Variants in FARS2 observed in about 807,000 individuals in gnomAD.
The protein encoded by FARS2 is phenylalanine--tRNA ligase, mitochondrial.
A neutral mutation model predicts 46.4 loss-of-function variants in FARS2; 40 were observed. The observed-to-expected ratio is 0.86, with a 90% CI of 0.67 to 1.12. The LOEUF (loss-of-function observed/expected upper bound fraction) is 1.12. Ranked by LOEUF, FARS2 falls within the 50% of genes most tolerant of loss-of-function variation. The pLI is 0.00. For missense variants in FARS2, 513 were observed against 567.9 expected, an observed-to-expected ratio of 0.90 and a Z score of 0.98; for synonymous variants, 234 against 214.9, an observed-to-expected ratio of 1.09 and a Z score of -0.78.
At position 5,727,105 on chromosome 6, in the gene FARS2, C is replaced by T. The variant is rs1020761203; in HGVS notation, c.1218-44186C>T. 9.2e-5 allele frequency among the ~76,000 whole-genome samples: 14 copies of T among 152,190 alleles called. No homozygotes were observed. Among genetic ancestry groups the T allele is most frequent in the African/African-American group, 2.7e-4 (11 of 41,454 alleles). Reference sequence around the variant, plus strand: ...CCTCTGCAGTACCTACCTTCCTCACCGGGCTGTTACTGGTAGGAAAAGCGT... The same window carrying T: ...CCTCTGCAGTACCTACCTTCCTCACTGGGCTGTTACTGGTAGGAAAAGCGT... On this transcript the variant is annotated intron_variant, in intron 6 of 6. Coordinates refer to ENST00000274680, the MANE Select transcript of FARS2 (RefSeq NM_006567.5). This position sits in a 1 kb window ranked among gnomAD's most constrained non-coding sequence, Gnocchi z 4.1.
At chr6:5,287,046 G>C (rs983947536) in intron 1 of FARS2, among the ~76,000 whole-genome samples, 20 of 152,250 alleles carry the variant, frequency 1.3e-4, no homozygotes, top group Non-Finnish European at 1.2e-4. Context: ...GCTTGGCTCT[G>C]TTGAGGGCTG....
At chr6:5,768,338 A>G (rs1762855006) in intron 6 of FARS2, among the ~76,000 whole-genome samples, 1 of 152,228 alleles carries the variant, frequency 6.6e-6, no homozygotes, top group Admixed American at 6.5e-5. Context: ...CACCTAATTC[A>G]TCAAAATGCT....
intron 6 of FARS2, among the ~76,000 whole-genome samples, chr6:5,614,411 C>CTTTTTTTTTTTTTT (rs199992978): frequency 8.6e-5 from 12 of 139,470 alleles, no homozygotes; most frequent in African/African-American, 2.7e-4. Flanking sequence ...CCTTCTTTGT[C>CTTTTTTTTTTTTTT]TTTTTTTTTT....
At chr6:5,301,062 C>A in intron 1 of FARS2, among the ~76,000 whole-genome samples, 1 of 151,352 alleles carries the variant, frequency 6.6e-6, no homozygotes, top group East Asian at 1.9e-4. Flanking sequence ...GCTGTGCTTA[C>A]TGGGGGTGGG....
chr6:5,500,174 C>A (rs1304739569), intron 4 of FARS2, among the ~76,000 whole-genome samples: 1 of 152,156 alleles, frequency 6.6e-6, no homozygotes, highest in African/African-American at 2.4e-5. Context: ...TTTCATTGTG[C>A]TGCCTCCCTC....
At chr6:5,431,349 T>C (rs1582084578) in intron 4 of FARS2, among the ~76,000 whole-genome samples, 177 bp downstream of exon 4, 3 of 152,226 alleles carry the variant, frequency 2.0e-5, no homozygotes, top group East Asian at 1.9e-4. Flanking sequence ...GAAAAACTTA[T>C]TTCTCACATC....
intron 6 of FARS2, among the ~76,000 whole-genome samples, chr6:5,755,348 C>T (rs984233235): frequency 2.0e-5 from 3 of 151,746 alleles, no homozygotes; most frequent in African/African-American, 7.3e-5. Context: ...TAGCCTCCCA[C>T]CCCTTGAGAG....
At chr6:5,744,587 T>C (rs941475681) in intron 6 of FARS2, among the ~76,000 whole-genome samples, 2 of 152,344 alleles carry the variant, frequency 1.3e-5, no homozygotes, top group East Asian at 1.9e-4. Context: ...CAGCGGTATC[T>C]GTCTGTTCCC....
At chr6:5,315,523 A>G (rs1769404444) in intron 1 of FARS2, among the ~76,000 whole-genome samples, 1 of 152,216 alleles carries the variant, frequency 6.6e-6, no homozygotes, top group African/African-American at 2.4e-5. Flanking sequence ...AAATCACAGG[A>G]GTAAATGGGA....
At chr6:5,271,367 C>T (rs1219933973) in intron 1 of FARS2, among the ~76,000 whole-genome samples, 1 of 152,080 alleles carries the variant, frequency 6.6e-6, no homozygotes, top group Non-Finnish European at 1.5e-5. Context: ...CATTTCTGAA[C>T]CAATAACTGT....
At chr6:5,562,874 G>A (rs987006795) in intron 5 of FARS2, among the ~76,000 whole-genome samples, 11 of 150,694 alleles carry the variant, frequency 7.3e-5, no homozygotes, top group Non-Finnish European at 1.6e-4. Context: ...CGCGATCTAG[G>A]CTCAGTGCAA....
intron 4 of FARS2, among the ~76,000 whole-genome samples, chr6:5,499,353 ACATGTTTCCTT>A (rs1398451167): frequency 6.6e-6 from 1 of 152,218 alleles, no homozygotes; most frequent in Non-Finnish European, 1.5e-5. Context: ...AGGTCCAGAC[ACATGTTTCCTT>A]CATGAGACGC....
chr6:5,647,170 C>G (rs1430202231), intron 6 of FARS2, among the ~76,000 whole-genome samples: 2 of 152,198 alleles, frequency 1.3e-5, no homozygotes, highest in Non-Finnish European at 2.9e-5. Flanking sequence ...GGGTCTTCAC[C>G]TTCATCCCAT....
In FARS2 at chr6:5,745,792, G is replaced by A. The variant is rs529784424; in HGVS notation, c.1218-25499G>A. On this transcript the variant is annotated intron_variant, in intron 6 of 6. Transcript: ENST00000274680. Reference sequence around the variant, plus strand: ...TGGGCTCAAGTCATCCTCCCACCTCGGCCTCACAAAATGCTGGGATTACAG... The same window carrying A: ...TGGGCTCAAGTCATCCTCCCACCTCAGCCTCACAAAATGCTGGGATTACAG... Among the ~76,000 whole-genome samples, 6 of 152,180 alleles carry A rather than the reference G, an allele frequency of 3.9e-5. No homozygotes were observed. In the East Asian group the frequency reaches 7.7e-4, roughly 20 times the overall value.
chr6:5,515,012 G>C (rs575896535), intron 4 of FARS2, among the ~76,000 whole-genome samples: 3 of 151,818 alleles, frequency 2.0e-5, no homozygotes, highest in Admixed American at 6.6e-5. Context: ...CTGGTCTCAA[G>C]TGGTCCTCCT....
intron 2 of FARS2, among the ~76,000 whole-genome samples, chr6:5,389,860 TTTTG>T (rs914896409): frequency 3.4e-4 from 52 of 152,070 alleles, no homozygotes; most frequent in African/African-American, 9.4e-4. Context: ...TTATTGTTGT[TTTTG>T]TTTGTTTGTT....
chr6:5,352,655 G>A (rs998562004), intron 1 of FARS2, among the ~76,000 whole-genome samples: 3 of 151,692 alleles, frequency 2.0e-5, no homozygotes, highest in Admixed American at 1.3e-4. Context: ...CTCAGTTTCC[G>A]CTAACTATAA....
At chr6:5,489,635 C>T (rs913479386) in intron 4 of FARS2, among the ~76,000 whole-genome samples, 2 of 152,084 alleles carry the variant, frequency 1.3e-5, no homozygotes, top group East Asian at 1.9e-4. Flanking sequence ...TCTCTACGCA[C>T]GACGCCATTA....
chr6:5,256,491 GAAA>G (rs1161084364), upstream of FARS2, among the ~76,000 whole-genome samples: 260 of 43,736 alleles, frequency 5.9e-3, no homozygotes, highest in Non-Finnish European at 7.2e-3. Flanking sequence ...ATTTCAACTG[GAAA>G]AAAAAAAAAA....
Sources: gnomAD v4.1 joint callset for allele counts (sites outside exome capture counted in the v4.1 genomes callset) on GRCh38, gnomAD v4.1.1 for gene constraint, Gnocchi (gnomAD v3.1) non-coding constraint, MANE v1.5 for transcripts, NCBI Gene and HGNC (gene_info 2026-07-23, HGNC 2026-07-21) for gene names.